Variants in PPARGC1A observed in about 807,000 individuals in gnomAD.
PPARGC1A encodes the protein peroxisome proliferator-activated receptor gamma coactivator 1-alpha.
In PPARGC1A, 25 loss-of-function variants were observed where a neutral mutation model predicts 88.7. The observed-to-expected ratio is 0.28, with a 90% confidence interval of 0.21 to 0.39. PPARGC1A has a LOEUF of 0.39. Ranked by LOEUF, PPARGC1A falls within the 10% of genes least tolerant of loss-of-function variation. The pLI is 1.00. For missense variants in PPARGC1A, 880 were observed against 968.7 expected (o/e 0.91, Z 1.22); for synonymous variants, 363 against 355.6 (o/e 1.02, Z -0.24).
chr4:24,297,695 T>A, the PPARGC1A span, among the ~76,000 whole-genome samples: 2 of 152,174 alleles, frequency 1.3e-5, no homozygotes, highest in African/African-American at 4.8e-5. Context: ...CTCACATTTT[T>A]ATTCAATTCA....
chr4:23,905,413 T>C (rs568835458), upstream of PPARGC1A, among the ~76,000 whole-genome samples: 4 of 152,352 alleles, frequency 2.6e-5, no homozygotes, highest in East Asian at 7.7e-4. Context: ...GCCATCTTAA[T>C]CCTGAAAGTT....
At chr4:24,238,833 G>A in the PPARGC1A span, among the ~76,000 whole-genome samples, 1 of 151,244 alleles carries the variant, frequency 6.6e-6, no homozygotes, top group African/African-American at 2.4e-5. Context: ...AGTGCTAAGT[G>A]TATGAGATTA....
the PPARGC1A span, among the ~76,000 whole-genome samples, chr4:24,348,488 C>T: frequency 6.6e-6 from 1 of 152,102 alleles, no homozygotes; most frequent in African/African-American, 2.4e-5. Flanking sequence ...TTCTTGGAGG[C>T]TTTGTTCATA....
the PPARGC1A span, among the ~76,000 whole-genome samples, chr4:24,040,247 A>G: frequency 9.7e-4 from 147 of 152,260 alleles, no homozygotes; most frequent in African/African-American, 1.3e-3. Context: ...CACATCTTCC[A>G]TCTTAGCCCT....
the PPARGC1A span, among the ~76,000 whole-genome samples, chr4:24,034,328 A>G: frequency 6.6e-6 from 1 of 152,362 alleles, no homozygotes; most frequent in East Asian, 1.9e-4. Flanking sequence ...AAGACATATC[A>G]CCCAATACCA....
chr4:23,799,091 TA>T (rs754520745), intron 12 of PPARGC1A, among the ~76,000 whole-genome samples: 1 of 152,194 alleles, frequency 6.6e-6, no homozygotes, highest in Non-Finnish European at 1.5e-5. Context: ...ATTTTTGCTT[TA>T]CTATTGTGAC....
the PPARGC1A span, among the ~76,000 whole-genome samples, chr4:24,392,670 G>A: frequency 3.9e-5 from 6 of 152,110 alleles, no homozygotes; most frequent in Admixed American, 1.3e-4. Context: ...CAATTTAATT[G>A]ATGGTGTAGT....
At chr4:24,085,056 T>C in the PPARGC1A span, among the ~76,000 whole-genome samples, 7 of 152,158 alleles carry the variant, frequency 4.6e-5, no homozygotes, top group Admixed American at 4.6e-4. Flanking sequence ...TCTTTAAACA[T>C]GAAGTAAACT....
chr4:24,225,202 G>C, the PPARGC1A span, among the ~76,000 whole-genome samples: 1 of 152,194 alleles, frequency 6.6e-6, no homozygotes, highest in Non-Finnish European at 1.5e-5. Flanking sequence ...GAAAGAATCA[G>C]TGAGGTCAGT....
At chr4:24,268,890 C>T in the PPARGC1A span, among the ~76,000 whole-genome samples, 3 of 152,128 alleles carry the variant, frequency 2.0e-5, no homozygotes, top group Admixed American at 1.3e-4. Flanking sequence ...CCTACTATAT[C>T]GAGTACTGTT....
At chr4:23,954,601 T>C in the PPARGC1A span, among the ~76,000 whole-genome samples, 7 of 152,024 alleles carry the variant, frequency 4.6e-5, no homozygotes, top group Admixed American at 3.9e-4. Context: ...ATCTGAAATA[T>C]AGATGTTTGA....
At chr4:23,828,201 C>G (rs532919835) in intron 5 of PPARGC1A, among the ~76,000 whole-genome samples, 199 bp downstream of exon 5, 7 of 152,140 alleles carry the variant, frequency 4.6e-5, no homozygotes, top group Non-Finnish European at 1.0e-4. Context: ...AATTAGACTG[C>G]CTATCAGCTG....
intron 2 of PPARGC1A, among the ~76,000 whole-genome samples, chr4:23,868,240 T>A (rs139946648): frequency 2.6e-5 from 4 of 152,296 alleles, no homozygotes; most frequent in Non-Finnish European, 5.9e-5. Context: ...CCCAACTCCA[T>A]ATATCTTCAT....
At chr4:24,077,170 C>T in the PPARGC1A span, among the ~76,000 whole-genome samples, 1 of 152,096 alleles carries the variant, frequency 6.6e-6, no homozygotes, top group Non-Finnish European at 1.5e-5. Flanking sequence ...TAGTGCTCCC[C>T]TTTGCCTTCA....
At chr4:24,249,127 C>T in the PPARGC1A span, among the ~76,000 whole-genome samples, 1 of 152,156 alleles carries the variant, frequency 6.6e-6, no homozygotes, top group Non-Finnish European at 1.5e-5. Context: ...GCTTTGCCTG[C>T]AGTCTGTCAA....
chr4:23,895,936 ATGTGTGTG>A (rs550243415), intron 1 of PPARGC1A, among the ~76,000 whole-genome samples: 21 of 130,712 alleles, frequency 1.6e-4, no homozygotes, highest in East Asian at 6.8e-4. Context: ...AATTATAGAG[ATGTGTGTG>A]TGTGTGTGTG....
chr4:24,231,430 C>T, the PPARGC1A span, among the ~76,000 whole-genome samples: 112,377 of 152,070 alleles, frequency 0.74, 42,091 homozygotes, highest in East Asian at 0.94. Flanking sequence ...CTCTCCAGTC[C>T]GGTCCAGTCT....
At chr4:24,229,152 C>CTTTTTTTTTTTTTTT in the PPARGC1A span, among the ~76,000 whole-genome samples, 33 of 60,910 alleles carry the variant, frequency 5.4e-4, 5 homozygotes, top group Non-Finnish European at 5.9e-4. Flanking sequence ...GTATCTGGAC[C>CTTTTTTTTTTTTTTT]TTTTTTTTTT....
the PPARGC1A span, among the ~76,000 whole-genome samples, chr4:24,412,095 T>A: frequency 6.6e-6 from 1 of 152,204 alleles, no homozygotes; most frequent in South Asian, 2.1e-4. Context: ...TGCCAAACAG[T>A]CTTTCAAAGT....
Sources: gnomAD v4.1 joint callset for allele counts (sites outside exome capture counted in the v4.1 genomes callset) on GRCh38, gnomAD v4.1.1 for gene constraint, MANE v1.5 for transcripts, NCBI Gene and HGNC (gene_info 2026-07-23, HGNC 2026-07-21) for gene names.